The following MGRN1 variants were observed in gnomAD, a reference collection of about 807,000 sequenced individuals.
MGRN1 encodes E3 ubiquitin-protein ligase MGRN1.
In MGRN1, 29 loss-of-function variants were observed where a neutral mutation model predicts 69.2. That is an observed-to-expected ratio of 0.42 (90% confidence interval 0.31 to 0.57). The LOEUF (loss-of-function observed/expected upper bound fraction) is 0.57, where lower values mean the gene tolerates loss of function less well. Among genes scored for constraint, MGRN1 ranks in the 20% least tolerant of loss-of-function variants. The pLI, the probability that MGRN1 is intolerant of heterozygous loss-of-function variation, is 0.15. For synonymous variants in MGRN1, 470 were observed against 344.2 expected (o/e 1.37, Z -4.04); for missense variants, 998 against 796.2 (o/e 1.25, Z -3.05).
chr16:4,688,848 C>T lies in MGRN1; in HGVS notation c.1671C>T (p.Thr557=), dbSNP rs12935545. The T allele has an allele frequency of 1.9e-6, 3 of 1,555,238 alleles. No individual in the cohort carries two copies. Among genetic ancestry groups the T allele is most frequent in the Non-Finnish European group, 2.6e-6 (3 of 1,149,122 alleles). Residue 557 remains threonine (T), a synonymous_variant, in exon 17 of 17, where the codon ACC becomes ACT. Transcript: ENST00000262370. The stretch of plus-strand genomic sequence containing the variant: ...ACGGCCTCGCCACCACCAGCCCCAC[C>T]TGGCCTCCACTTGGTGGCCCCAGCC... ...TAHGLATTSP[T]WPPLGGPSPD... is the part of the protein sequence containing the mutation.
chr16:4,664,358 A>C, intron 5 of MGRN1: 1 of 319,518 alleles, frequency 3.1e-6, no homozygotes, highest in Non-Finnish European at 5.9e-6. Flanking sequence ...GGGCTGGAGG[A>C]GGGGATGGGG....
At chr16:4,668,173 C>A in intron 7 of MGRN1, 92 bp from the exon 8 acceptor site, 1 of 942,272 alleles carries the variant, frequency 1.1e-6, no homozygotes. Flanking sequence ...CATGGATTGG[C>A]TGGGGCAGGG....
chr16:4,668,156 C>A, intron 7 of MGRN1, 109 bp from the exon 8 acceptor site: 1 of 688,112 alleles, frequency 1.5e-6, no homozygotes, highest in Non-Finnish European at 2.4e-6. Flanking sequence ...CTTTTTCCAG[C>A]TGTGGGCATG....
chr16:4,635,367 A>C (rs1898227666), intron 1 of MGRN1, among the ~76,000 whole-genome samples: 2 of 152,212 alleles, frequency 1.3e-5, no homozygotes, highest in Non-Finnish European at 2.9e-5. Flanking sequence ...CAGTGAGCCA[A>C]GATTGCGCCA....
At chr16:4,673,298 C>A (rs779388706) in intron 9 of MGRN1, among the ~76,000 whole-genome samples, 200 bp from the exon 10 acceptor site, 2 of 152,180 alleles carry the variant, frequency 1.3e-5, no homozygotes, top group South Asian at 4.1e-4. Flanking sequence ...GACCCTCCCC[C>A]TCTGCCAGGT....
At chr16:4,664,832 G>A (rs1388218354) in intron 6 of MGRN1, 57 bp downstream of exon 6, 9 of 1,591,162 alleles carry the variant, frequency 5.7e-6, no homozygotes, top group East Asian at 2.2e-5. Context: ...GAGGAAGCAC[G>A]TCTTGAGGGA....
chr16:4,682,510 C>T (rs1410675348), intron 13 of MGRN1, among the ~76,000 whole-genome samples: 1 of 152,230 alleles, frequency 6.6e-6, no homozygotes, highest in Non-Finnish European at 1.5e-5. Context: ...AAACGGGGGC[C>T]TCTGTCTCCT....
chr16:4,679,706 C>T (rs1213741888), intron 11 of MGRN1, among the ~76,000 whole-genome samples: 3 of 152,210 alleles, frequency 2.0e-5, no homozygotes, highest in African/African-American at 4.8e-5. Context: ...CATTAGGCAG[C>T]GTTCAGCTGC....
chr16:4,668,418 T>TACTCATACACGCTCATACAC, intron 8 of MGRN1, 106 bp downstream of exon 8: 1 of 1,202,862 alleles, frequency 8.3e-7, no homozygotes, highest in Non-Finnish European at 1.2e-6. Context: ...CACGCACATA[T>TACTCATACACGCTCATACAC]ACTCATACAC....
rs904007640 is a variant in MGRN1 at position 4,630,605 on chromosome 16, G to A, written c.88+5557G>A. On this transcript the variant is annotated intron_variant, in intron 1 of 16. Transcript: ENST00000262370. ...TGAGATTACAGGTGCGAGCCACCAC[G>A]CCCGGCTAATTTTTGGATTTTTTAG... Among the ~76,000 whole-genome samples, 7 of 151,600 alleles carry A rather than the reference G, an allele frequency of 4.6e-5. No individual in the cohort carries two copies. In the South Asian group the frequency reaches 6.2e-4, roughly 14 times the overall value.
intron 4 of MGRN1, among the ~76,000 whole-genome samples, chr16:4,654,523 G>C (rs943208722): frequency 2.6e-5 from 4 of 152,236 alleles, no homozygotes; most frequent in African/African-American, 9.6e-5. Flanking sequence ...AGGCAAGAGC[G>C]TGCCCCCTGC....
rs372190192 is a variant in MGRN1, at chr16:4,644,139, G to A, written c.89-6226G>A. On this transcript the variant is annotated intron_variant, in intron 1 of 16. Transcript: ENST00000262370. ...ATTACAGGCATGTACTACCACTCCC[G>A]GCTAATTTTTTTTTGTTTTGTTTTG... 7.3e-5 allele frequency among the ~76,000 whole-genome samples: 11 copies of A among 151,670 alleles called. No individual in the cohort carries two copies. The East Asian group carries it at 2.1e-3, about 29-fold the overall frequency.
rs1008820113 is a variant in MGRN1 at position 4,686,372 on chromosome 16, C to T, written c.1619-2424C>T. On this transcript the variant is annotated intron_variant, in intron 16 of 16. Coordinates refer to ENST00000262370, the MANE Select transcript of MGRN1 (RefSeq NM_015246.4). ...CCTTGGAGAGAGGAGCCCTCCCCTG[C>T]TCTCTGGCGGGGGTTCCTTCTGGTT... The T allele has an allele frequency of 1.6e-5, 24 of 1,520,206 alleles. No individual in the cohort carries two copies. The African/African-American group carries it at 2.6e-4, about 17-fold the overall frequency. The allele number at this position is 1,520,206 out of a possible 1,614,324, so 94.2% of individuals were successfully genotyped here.
chr16:4,624,993 G>C lies in MGRN1; in HGVS notation c.33G>C (p.Gly11=). Reference sequence around the variant, plus strand: ...CCATTCTCAGCCGCCGCATCGCGGGGGTGGAGGACATCGACATCCAGGCGA... The same window carrying C: ...CCATTCTCAGCCGCCGCATCGCGGGCGTGGAGGACATCGACATCCAGGCGA... MGSILSRRIA[G]VEDIDIQANS... The change falls in exon 1 of 17, where the codon GGG becomes GGC. Residue 11 remains glycine, a synonymous_variant. Transcript: ENST00000262370. 6.4e-7 allele frequency: 1 copy of C among 1,558,896 alleles called. No individual in the cohort carries two copies. The highest frequency in any genetic ancestry group is 8.7e-7 in the Non-Finnish European group (1 of 1,155,126).
Position 4,682,954 on chromosome 16 carries a change from C to A in MGRN1, c.1482+8C>A, listed in dbSNP as rs545013299. The A allele has an allele frequency of 5.8e-6, 9 of 1,552,658 alleles. No homozygotes were observed. Among genetic ancestry groups the A allele is most frequent in the South Asian group, 3.5e-5 (3 of 84,566 alleles). The stretch of plus-strand genomic sequence containing the variant: ...GAAAGCAGCTCCCCTGAGGTGAGGC[C>A]CCCCCGGGGAAGCTTTGCGCACCCG... On this transcript the variant is annotated splice_region_variant and intron_variant, in intron 14 of 16. Coordinates refer to ENST00000262370, the MANE Select transcript of MGRN1 (RefSeq NM_015246.4).
intron 15 of MGRN1, 51 bp downstream of exon 15, chr16:4,683,320 C>G (rs1298266439): frequency 1.9e-6 from 3 of 1,601,382 alleles, no homozygotes; most frequent in South Asian, 1.1e-5. Flanking sequence ...CCAGGCAGCC[C>G]TGGCTTACTG....
In MGRN1 at chr16:4,664,748, A is replaced by G. The variant is rs1441429811; in HGVS notation, c.601A>G (p.Ile201Val). The change falls in exon 6 of 17, where the codon ATC (isoleucine) becomes GTC (valine). Residue 201 changes from isoleucine (I) to valine (V), a missense_variant. By Grantham distance (29) the Ile-to-Val change is conservative. Coordinates refer to ENST00000262370, the MANE Select transcript of MGRN1 (RefSeq NM_015246.4). ...GGACCGGGGCGTGTTTCCAGTAGTC[A>G]TCCAGGCTGTGGTGGACGAAGGAGA... ...DLDRGVFPVVIQAVVDEGDVV... is the reference protein window; with the variant it reads ...DLDRGVFPVVVQAVVDEGDVV... 6.2e-7 allele frequency: 1 copy of G among 1,614,224 alleles called. No homozygotes were observed. Among genetic ancestry groups the G allele is most frequent in the Non-Finnish European group, 8.5e-7 (1 of 1,180,036 alleles).
At chr16:4,668,151 TCC>T in intron 7 of MGRN1, 112 bp from the exon 8 acceptor site, 4 of 730,664 alleles carry the variant, frequency 5.5e-6, no homozygotes, top group South Asian at 2.1e-5. Context: ...TTTTTCTTTT[TCC>T]AGCTGTGGGC....
intron 16 of MGRN1, chr16:4,687,524 A>G (rs2079356006): frequency 8.2e-6 from 8 of 980,852 alleles, no homozygotes; most frequent in Non-Finnish European, 9.7e-6. Context: ...AAAAAAATAC[A>G]CACACACCCA....
Sources: allele counts gnomAD v4.1 joint callset (sites outside exome capture counted in the v4.1 genomes callset), GRCh38; gene constraint gnomAD v4.1.1; transcripts MANE v1.5; gene names NCBI Gene and HGNC (gene_info 2026-07-23, HGNC 2026-07-21).